The following SUSD1 variants were observed in gnomAD, a reference collection of about 807,000 sequenced individuals.
SUSD1 encodes sushi domain-containing protein 1.
In SUSD1, 65 loss-of-function variants were observed where a neutral mutation model predicts 86.9. The ratio of observed to expected loss-of-function variants is 0.75; its 90% CI spans 0.61 to 0.92. The LOEUF is 0.92. Ranked by LOEUF, SUSD1 falls within the 40% of genes least tolerant of loss-of-function variation. The probability of loss-of-function intolerance (pLI) is 0.00; values close to 1 mark genes in which losing one functional copy is unlikely to be tolerated. For missense variants in SUSD1, 850 were observed against 929.7 expected (o/e 0.91, Z 1.11); for synonymous variants, 346 against 350.0 (o/e 0.99, Z 0.13).
intron 2 of SUSD1, among the ~76,000 whole-genome samples, chr9:112,150,265 T>G (rs887098389): frequency 1.3e-5 from 2 of 152,254 alleles, no homozygotes; most frequent in African/African-American, 4.8e-5. Flanking sequence ...TTGCTGACTC[T>G]GCCTAACCCT....
intron 5 of SUSD1, among the ~76,000 whole-genome samples, chr9:112,135,668 G>A (rs1832231388): frequency 6.6e-6 from 1 of 152,136 alleles, no homozygotes; most frequent in South Asian, 2.1e-4. Flanking sequence ...AAAAACTGAA[G>A]AACTTTAGAC....
intron 10 of SUSD1, among the ~76,000 whole-genome samples, chr9:112,095,348 A>G (rs1830352410): frequency 6.6e-6 from 1 of 152,246 alleles, no homozygotes; most frequent in African/African-American, 2.4e-5. Flanking sequence ...GCTGAGCAGG[A>G]CCTGCTAAGT....
intron 7 of SUSD1, chr9:112,112,190 A>T (rs762635348): frequency 2.0e-5 from 4 of 201,762 alleles, no homozygotes; most frequent in Non-Finnish European, 4.0e-5. Context: ...GGAAACAAGC[A>T]ATCGTGAGGA....
chr9:112,151,421 A>AC (rs1199123696), intron 2 of SUSD1, among the ~76,000 whole-genome samples: 3 of 151,122 alleles, frequency 2.0e-5, no homozygotes, highest in African/African-American at 4.9e-5. Context: ...ACATGGTGAA[A>AC]CCCCATCTCT....
intron 5 of SUSD1, among the ~76,000 whole-genome samples, chr9:112,138,277 A>ATATATG (rs1832398080): frequency 7.5e-6 from 1 of 133,160 alleles, no homozygotes; most frequent in African/African-American, 2.8e-5. Flanking sequence ...ATATATATAT[A>ATATATG]TATGAAGTCC....
intron 15 of SUSD1, among the ~76,000 whole-genome samples, chr9:112,043,039 C>T (rs1827809602): frequency 2.0e-5 from 3 of 152,228 alleles, no homozygotes; most frequent in African/African-American, 4.8e-5. Context: ...CATTCCTGGG[C>T]GTAGGCTGAA....
chr9:112,169,131 A>G lies in SUSD1; in HGVS notation c.103+6002T>C, dbSNP rs1487132692. 3.3e-5 allele frequency among the ~76,000 whole-genome samples: 5 copies of G among 152,282 alleles called. No individual in the cohort carries two copies. In the East Asian group the frequency reaches 9.6e-4, roughly 29 times the overall value. On this transcript the variant is annotated intron_variant, in intron 1 of 16. Coordinates refer to ENST00000374270, the MANE Select transcript of SUSD1 (RefSeq NM_022486.5). Reference sequence around the variant, plus strand: ...TCCCTGACAAAAAAAAAATCCAGAAATGAAAACATAGACTCTGCTTTTAAA... The same window carrying G: ...TCCCTGACAAAAAAAAAATCCAGAAGTGAAAACATAGACTCTGCTTTTAAA...
At chr9:112,151,891 G>A (rs1240158642) in intron 2 of SUSD1, among the ~76,000 whole-genome samples, 6 of 152,018 alleles carry the variant, frequency 3.9e-5, no homozygotes, top group Non-Finnish European at 5.9e-5. Flanking sequence ...AAAATTAGCC[G>A]GGCACAGTGG....
chr9:112,064,209 T>C (rs1828870400), intron 12 of SUSD1, among the ~76,000 whole-genome samples: 2 of 152,180 alleles, frequency 1.3e-5, no homozygotes, highest in East Asian at 1.9e-4. Context: ...CCAGTACCAG[T>C]CTGTGGCCTG....
Position 112,098,630 on chromosome 9 carries a change from A to G in SUSD1, c.1314T>C (p.Ala438=). 6.2e-7 allele frequency: 1 copy of G among 1,614,240 alleles called. No individual in the cohort carries two copies. Among genetic ancestry groups the G allele is most frequent in the South Asian group, 1.1e-5 (1 of 91,086 alleles). The change falls in exon 10 of 17, where the codon GCT becomes GCC. Residue 438 remains alanine, a synonymous_variant. Coordinates refer to ENST00000374270, the MANE Select transcript of SUSD1 (RefSeq NM_022486.5). ...TAAACGATGTTGCATGAGAAAAGTT[A>G]GCCAGATACCACCTCTGACCCAGAA... The part of the protein sequence containing the change: ...FTVLGQRWYL[A]NFSHATSFNF...
At chr9:112,140,363 C>T (rs1370199987) in intron 5 of SUSD1, among the ~76,000 whole-genome samples, 1 of 78,104 alleles carries the variant, frequency 1.3e-5, no homozygotes, top group Non-Finnish European at 2.4e-5. Flanking sequence ...AGCGAGACTC[C>T]GTCTCCAAAA....
chr9:112,143,237 C>T (rs558218400), intron 4 of SUSD1, among the ~76,000 whole-genome samples: 37 of 152,014 alleles, frequency 2.4e-4, no homozygotes, highest in African/African-American at 8.0e-4. Context: ...CCACCAGCCT[C>T]GGCCTCCCAA....
rs570703173 is a variant in SUSD1, at chr9:112,080,236, T to G, written c.1475-71A>C. The G allele has an allele frequency of 6.0e-5, 67 of 1,108,028 alleles. No individual in the cohort carries two copies. In the African/African-American group the frequency reaches 8.7e-4, roughly 14 times the overall value. The allele number at this position is 1,108,028 out of a possible 1,614,324, so 68.6% of individuals were successfully genotyped here. On this transcript the variant is annotated intron_variant, in intron 10 of 16. Transcript: ENST00000374270. Reference sequence around the variant, plus strand: ...AAATGCTACCTTTTAATTGAGCCATTTTTCCAAGGATAAGTGTTAGCATGA... The same window carrying G: ...AAATGCTACCTTTTAATTGAGCCATGTTTCCAAGGATAAGTGTTAGCATGA...
chr9:112,139,376 G>T (rs1005008998), intron 5 of SUSD1, among the ~76,000 whole-genome samples: 4 of 152,086 alleles, frequency 2.6e-5, no homozygotes, highest in Admixed American at 6.6e-5. Flanking sequence ...CAAAAACCCA[G>T]ATTAATTCAT....
intron 5 of SUSD1, among the ~76,000 whole-genome samples, chr9:112,137,487 C>A (rs1242416315): frequency 6.6e-6 from 1 of 152,034 alleles, no homozygotes; most frequent in Non-Finnish European, 1.5e-5. Context: ...CTATGTAAAT[C>A]CTTAGAGCGT....
intron 1 of SUSD1, among the ~76,000 whole-genome samples, chr9:112,166,590 T>C (rs139192391): frequency 8.2e-4 from 125 of 152,252 alleles, no homozygotes; most frequent in Non-Finnish European, 1.7e-3. Context: ...CAAGTCTCGA[T>C]TGCCACATAG....
chr9:112,123,598 G>A (rs1006651122), intron 6 of SUSD1, among the ~76,000 whole-genome samples: 9 of 152,066 alleles, frequency 5.9e-5, no homozygotes, highest in Admixed American at 5.9e-4. Context: ...CCTGGAGTTC[G>A]AGACCAGCCT....
chr9:112,063,321 G>T (rs1828818152), intron 12 of SUSD1, among the ~76,000 whole-genome samples: 1 of 152,176 alleles, frequency 6.6e-6, no homozygotes, highest in Non-Finnish European at 1.5e-5. Flanking sequence ...GGAACATATT[G>T]CTTAATGGTC....
chr9:112,173,770 G>A (rs888833416), intron 1 of SUSD1: 5 of 333,274 alleles, frequency 1.5e-5, no homozygotes, highest in Non-Finnish European at 2.4e-5. Context: ...GCCTCAGCAC[G>A]TGCACTCATG....
Sources: allele counts gnomAD v4.1 joint callset (sites outside exome capture counted in the v4.1 genomes callset), GRCh38; gene constraint gnomAD v4.1.1; transcripts MANE v1.5; gene names NCBI Gene and HGNC (gene_info 2026-07-23, HGNC 2026-07-21).